The following COX10 variants were observed in gnomAD, a reference collection of about 807,000 sequenced individuals.
The protein encoded by COX10 is cytochrome c oxidase assembly factor heme A:farnesyltransferase COX10.
Under a neutral mutation model 37.3 loss-of-function variants are expected in COX10, and 27 were observed. That is an observed-to-expected ratio of 0.72 (90% CI 0.53 to 1.00). COX10 has a LOEUF of 1.00. Among genes scored for constraint, COX10 ranks in the 50% least tolerant of loss-of-function variants. The pLI is 0.00. For missense variants in COX10, 475 were observed against 563.2 expected, an observed-to-expected ratio of 0.84 and a Z score of 1.59; for synonymous variants, 222 against 229.1, an observed-to-expected ratio of 0.97 and a Z score of 0.28.
At chr17:14,181,340 G>T (rs1387415094) in intron 5 of COX10, among the ~76,000 whole-genome samples, 1 of 151,744 alleles carries the variant, frequency 6.6e-6, no homozygotes, top group Non-Finnish European at 1.5e-5. Context: ...GCTGTGCCAG[G>T]CTGGTCCTTG....
At chr17:14,166,122 T>G (rs1320027555) in intron 5 of COX10, among the ~76,000 whole-genome samples, 1 of 152,214 alleles carries the variant, frequency 6.6e-6, no homozygotes, top group Non-Finnish European at 1.5e-5. Flanking sequence ...AGCTATAAGT[T>G]CATTGATGAA....
intron 1 of COX10, among the ~76,000 whole-genome samples, chr17:14,070,506 T>C (rs1053488206): frequency 6.6e-6 from 1 of 152,200 alleles, no homozygotes; most frequent in African/African-American, 2.4e-5. Context: ...TTGCTCCCAA[T>C]AGTTATTTGT....
Position 14,076,102 on chromosome 17 carries a change from CTTTT to C in COX10, c.178-630_178-627del, listed in dbSNP as rs1299533100. ...GAAAGTCAACAGGTTGACTTGGGCTCTTTTTTGTCTTTTTTTTTTTTTTTTTTTT... is the reference window on the plus strand; with the variant it reads ...GAAAGTCAACAGGTTGACTTGGGCTCTTGTCTTTTTTTTTTTTTTTTTTTT... On this transcript the variant is annotated intron_variant, in intron 2 of 6. Coordinates refer to ENST00000261643, the MANE Select transcript of COX10 (RefSeq NM_001303.4). Among the ~76,000 whole-genome samples, 3 of 107,742 alleles carry C rather than the reference CTTTT, an allele frequency of 2.8e-5. No homozygotes were observed. The South Asian group carries it at 9.8e-4, about 35-fold the overall frequency. The allele number at this position is 107,742 out of a possible 152,430, so 70.7% of individuals were successfully genotyped here. A position where few individuals can be genotyped will look rare whatever the true frequency, so the allele number is the denominator to read the frequency against.
intron 5 of COX10, among the ~76,000 whole-genome samples, chr17:14,172,651 C>G (rs1022038879): frequency 1.4e-5 from 2 of 146,994 alleles, no homozygotes; most frequent in African/African-American, 5.1e-5. Context: ...AGGACTATGG[C>G]TCACTGCACC....
chr17:14,155,207 A>G (rs926372407), intron 4 of COX10, among the ~76,000 whole-genome samples: 1 of 152,110 alleles, frequency 6.6e-6, no homozygotes, highest in African/African-American at 2.4e-5. Flanking sequence ...AGATTTTGAC[A>G]TGGGTTATAG....
intron 4 of COX10, among the ~76,000 whole-genome samples, chr17:14,124,980 C>T (rs903250416): frequency 1.3e-5 from 2 of 152,154 alleles, no homozygotes; most frequent in Non-Finnish European, 2.9e-5. Flanking sequence ...CTAGTTTTCA[C>T]TTTGGAGTGA....
chr17:14,190,864 G>A (rs2142262393), intron 5 of COX10, among the ~76,000 whole-genome samples: 1 of 152,196 alleles, frequency 6.6e-6, no homozygotes, highest in East Asian at 1.9e-4. Context: ...GCATAGAAGG[G>A]TATCATCTCA....
chr17:14,199,549 GC>G (rs1906465338), intron 6 of COX10, among the ~76,000 whole-genome samples: 1 of 152,118 alleles, frequency 6.6e-6, no homozygotes, highest in African/African-American at 2.4e-5. Flanking sequence ...TGCCTGGAGG[GC>G]GGCAGCACAC....
intron 3 of COX10, among the ~76,000 whole-genome samples, chr17:14,094,989 AG>A (rs748912940): frequency 4.3e-4 from 66 of 152,166 alleles, no homozygotes; most frequent in Non-Finnish European, 7.3e-4. Flanking sequence ...GCATAATTGA[AG>A]GGTTGTGCTA....
intron 4 of COX10, among the ~76,000 whole-genome samples, chr17:14,121,729 A>G (rs770133174): frequency 6.6e-6 from 1 of 151,956 alleles, no homozygotes; most frequent in African/African-American, 2.4e-5. Flanking sequence ...AATTTAGAAC[A>G]TAAATAAAGT....
rs142380203 is a variant in COX10, at chr17:14,206,976, C to G, written c.1095C>G (p.Leu365=). 1.9e-6 allele frequency: 3 copies of G among 1,614,044 alleles called. No individual in the cohort carries two copies. Among genetic ancestry groups the G allele is most frequent in the East Asian group, 2.2e-5 (1 of 44,852 alleles). Residue 365 remains leucine (L), a synonymous_variant, in exon 7 of 7, where the codon CTC becomes CTG. Transcript: ENST00000261643. ...RVALRHCLAL[L]VLSAAAPVLD... ...CGCTGCGCCACTGCCTGGCCCTGCTCGTGCTGTCCGCAGCAGCCCCTGTGC... is the reference window on the plus strand; with the variant it reads ...CGCTGCGCCACTGCCTGGCCCTGCTGGTGCTGTCCGCAGCAGCCCCTGTGC...
At chr17:14,205,873 G>A (rs1049766014) in intron 6 of COX10, among the ~76,000 whole-genome samples, 1 of 152,140 alleles carries the variant, frequency 6.6e-6, no homozygotes, top group African/African-American at 2.4e-5. Context: ...GGAGCTCAGC[G>A]AGCAGCAGCC....
intron 3 of COX10, among the ~76,000 whole-genome samples, chr17:14,090,104 A>G (rs962344233): frequency 2.6e-5 from 4 of 151,670 alleles, no homozygotes; most frequent in African/African-American, 9.7e-5. Context: ...GGGTCCTCTT[A>G]GATTCTGCAA....
intron 5 of COX10, among the ~76,000 whole-genome samples, chr17:14,174,070 G>A (rs1905572006): frequency 6.6e-6 from 1 of 151,966 alleles, no homozygotes; most frequent in Non-Finnish European, 1.5e-5. Context: ...AAGCCACAGA[G>A]TAGGAGATAA....
At chr17:14,193,187 C>G (rs3020878) in intron 6 of COX10, among the ~76,000 whole-genome samples, 5 of 152,138 alleles carry the variant, frequency 3.3e-5, no homozygotes, top group Non-Finnish European at 5.9e-5. Flanking sequence ...GTCAGCAAAG[C>G]GGTGGTGAGC....
chr17:14,160,774 A>T (rs1257261421), intron 5 of COX10, among the ~76,000 whole-genome samples: 2 of 152,248 alleles, frequency 1.3e-5, no homozygotes, highest in African/African-American at 4.8e-5. Context: ...TTAAAATATC[A>T]TTATAGTAAA....
intron 6 of COX10, among the ~76,000 whole-genome samples, chr17:14,197,278 G>T (rs1275365336): frequency 6.6e-6 from 1 of 152,160 alleles, no homozygotes; most frequent in East Asian, 1.9e-4. Flanking sequence ...CCTTTGTGGT[G>T]TCTGGCTCAT....
At chr17:14,114,786 G>A (rs1916075702) in intron 4 of COX10, among the ~76,000 whole-genome samples, 1 of 152,056 alleles carries the variant, frequency 6.6e-6, no homozygotes, top group Non-Finnish European at 1.5e-5. Context: ...GCATAAAAAT[G>A]TCCCTATATT....
chr17:14,083,922 C>T (rs1258515218), intron 3 of COX10, among the ~76,000 whole-genome samples: 2 of 152,140 alleles, frequency 1.3e-5, no homozygotes, highest in East Asian at 3.9e-4. Context: ...TGAGTAACAT[C>T]TGTGCTGAAA....
Sources: allele counts gnomAD v4.1 joint callset (sites outside exome capture counted in the v4.1 genomes callset), GRCh38; gene constraint gnomAD v4.1.1; transcripts MANE v1.5; gene names NCBI Gene and HGNC (gene_info 2026-07-23, HGNC 2026-07-21).